ZNF423: variants seen among roughly 807,000 people sequenced by gnomAD.
ZNF423 encodes the protein zinc finger protein 423.
ZNF423 carries 12 observed loss-of-function variants against 95.8 expected under a neutral mutation model. The ratio of observed to expected loss-of-function variants is 0.13; its 90% CI spans 0.08 to 0.20. ZNF423 has a LOEUF of 0.20. Ranked by LOEUF, ZNF423 falls within the 10% of genes least tolerant of loss-of-function variation. ZNF423 has a pLI of 1.00. For missense variants in ZNF423, 1,316 were observed against 1,737.1 expected, an observed-to-expected ratio of 0.76 and a Z score of 4.31; for synonymous variants, 749 against 711.9, an observed-to-expected ratio of 1.05 and a Z score of -0.83.
intron 7 of ZNF423, among the ~76,000 whole-genome samples, chr16:49,523,400 C>G (rs555560098): frequency 7.2e-5 from 11 of 152,246 alleles, no homozygotes; most frequent in African/African-American, 2.4e-4. Flanking sequence ...AAGCTTCTGA[C>G]TCCTGCTCTG....
chr16:49,649,609 C>T (rs1189745256), intron 3 of ZNF423, among the ~76,000 whole-genome samples: 4 of 150,668 alleles, frequency 2.7e-5, no homozygotes, highest in South Asian at 2.1e-4. Context: ...AAACATTAAA[C>T]ACTAAAGAAA....
At chr16:49,721,800 AAGACACATAGACTGT>A (rs1297107329) in intron 3 of ZNF423, among the ~76,000 whole-genome samples, 1 of 152,182 alleles carries the variant, frequency 6.6e-6, no homozygotes, top group Non-Finnish European at 1.5e-5. Context: ...AACCTCCAGA[AAGACACATAGACTGT>A]AGACACATAG....
chr16:49,828,667 C>A (rs2035030733), intron 1 of ZNF423, among the ~76,000 whole-genome samples: 1 of 152,240 alleles, frequency 6.6e-6, no homozygotes, highest in African/African-American at 2.4e-5. Context: ...ACTCACACTG[C>A]AGCCAACAAA....
At chr16:49,838,904 C>T (rs898434784) in intron 1 of ZNF423, among the ~76,000 whole-genome samples, 1 of 151,850 alleles carries the variant, frequency 6.6e-6, no homozygotes, top group African/African-American at 2.4e-5. Context: ...GCCGCCGCCT[C>T]AAAGGGGTCC....
At chr16:49,613,383 C>A (rs1971784560) in intron 5 of ZNF423, among the ~76,000 whole-genome samples, 1 of 152,136 alleles carries the variant, frequency 6.6e-6, no homozygotes, top group East Asian at 1.9e-4. Context: ...TGATATTTAA[C>A]AAAGGTGCAA....
intron 2 of ZNF423, among the ~76,000 whole-genome samples, chr16:49,787,448 G>A (rs891508149): frequency 1.3e-5 from 2 of 152,106 alleles, no homozygotes; most frequent in Admixed American, 6.5e-5. Flanking sequence ...ACCGTGGCGA[G>A]CCACGGCCAT....
At chr16:49,698,657 G>A (rs2032062509) in intron 3 of ZNF423, among the ~76,000 whole-genome samples, 2 of 152,056 alleles carry the variant, frequency 1.3e-5, no homozygotes, top group African/African-American at 4.8e-5. Flanking sequence ...CGGTGGGCCC[G>A]GCGCCTGCTC....
At chr16:49,666,572 G>A (rs191000879) in intron 3 of ZNF423, among the ~76,000 whole-genome samples, 2 of 152,276 alleles carry the variant, frequency 1.3e-5, no homozygotes, top group South Asian at 2.1e-4. Flanking sequence ...CATTACATAT[G>A]CATGGTTATA....
At chr16:49,576,247 C>T (rs1404030849) in intron 5 of ZNF423, among the ~76,000 whole-genome samples, 1 of 152,216 alleles carries the variant, frequency 6.6e-6, no homozygotes, top group Non-Finnish European at 1.5e-5. Flanking sequence ...ACACTGGGAA[C>T]AGCAACCGTG....
intron 2 of ZNF423, among the ~76,000 whole-genome samples, chr16:49,737,736 G>T (rs963244402): frequency 2.0e-5 from 3 of 152,204 alleles, no homozygotes; most frequent in Admixed American, 2.0e-4. Context: ...TACCTTCCCA[G>T]CAGGGCTTCG....
At chr16:49,738,676 G>A (rs551657430) in intron 2 of ZNF423, among the ~76,000 whole-genome samples, 1 of 152,232 alleles carries the variant, frequency 6.6e-6, no homozygotes, top group African/African-American at 2.4e-5. Flanking sequence ...GACCAGTGGA[G>A]CGGAGAAAGT....
At chr16:49,813,371 T>C (rs1258676102) in intron 1 of ZNF423, among the ~76,000 whole-genome samples, 1 of 152,090 alleles carries the variant, frequency 6.6e-6, no homozygotes, top group Non-Finnish European at 1.5e-5. Context: ...CAAGCAGACA[T>C]GTTCATCCTC....
chr16:49,776,663 G>T (rs4785191), intron 2 of ZNF423, among the ~76,000 whole-genome samples: 3 of 152,150 alleles, frequency 2.0e-5, no homozygotes, highest in African/African-American at 7.2e-5. Flanking sequence ...GTTGCGGGGC[G>T]GCCCATGCAG....
intron 2 of ZNF423, among the ~76,000 whole-genome samples, chr16:49,756,024 G>C (rs2033720175): frequency 6.6e-6 from 1 of 152,226 alleles, no homozygotes; most frequent in African/African-American, 2.4e-5. Context: ...GCAGGGGCCA[G>C]ACTGAAAGCC....
At chr16:49,564,538 G>A (rs917073391) in intron 5 of ZNF423, among the ~76,000 whole-genome samples, 2 of 152,222 alleles carry the variant, frequency 1.3e-5, no homozygotes, top group Non-Finnish European at 1.5e-5. Flanking sequence ...CCCCCATGTT[G>A]TAGCCAGGGG....
At chr16:49,578,844 T>C (rs1970579146) in intron 5 of ZNF423, among the ~76,000 whole-genome samples, 4 of 152,358 alleles carry the variant, frequency 2.6e-5, no homozygotes, top group Admixed American at 2.6e-4. Flanking sequence ...CAGGTCATTC[T>C]CTGGCCTTGC....
intron 2 of ZNF423, among the ~76,000 whole-genome samples, chr16:49,740,757 G>A (rs993793749): frequency 4.6e-5 from 7 of 152,192 alleles, no homozygotes; most frequent in Admixed American, 2.6e-4. Context: ...GGGCTGCTCC[G>A]TCTGGCCATG....
intron 5 of ZNF423, among the ~76,000 whole-genome samples, chr16:49,557,202 C>T (rs747039306): frequency 3.9e-5 from 6 of 152,224 alleles, no homozygotes; most frequent in Non-Finnish European, 7.3e-5. Context: ...CAACTGCACG[C>T]CGCCATCGGA....
At chr16:49,654,951 A>G (rs544659521) in intron 3 of ZNF423, among the ~76,000 whole-genome samples, 1 of 31,248 alleles carries the variant, frequency 3.2e-5, no homozygotes, top group South Asian at 2.0e-3. Flanking sequence ...CTTACAGTAA[A>G]TGATACTGGT....
Sources: allele counts gnomAD v4.1 joint callset (sites outside exome capture counted in the v4.1 genomes callset), GRCh38; gene constraint gnomAD v4.1.1; transcripts MANE v1.5; gene names NCBI Gene and HGNC (gene_info 2026-07-23, HGNC 2026-07-21).